WNT2: variants seen among roughly 807,000 people sequenced by gnomAD.
The protein encoded by WNT2 is protein Wnt-2.
In WNT2, 12 loss-of-function variants were observed where a neutral mutation model predicts 36.9. That is an observed-to-expected ratio of 0.33 (90% CI 0.21 to 0.53). The LOEUF is 0.53. Ranked by LOEUF, WNT2 falls within the 20% of genes least tolerant of loss-of-function variation. The pLI, the probability that WNT2 is intolerant of heterozygous loss-of-function variation, is 0.95. For missense variants in WNT2, 379 were observed against 473.1 expected (o/e 0.80, Z 1.84); for synonymous variants, 163 against 174.6 (o/e 0.93, Z 0.52).
chr7:117,293,636 C>A (rs1794732562), intron 4 of WNT2, among the ~76,000 whole-genome samples: 1 of 152,094 alleles, frequency 6.6e-6, no homozygotes, highest in Non-Finnish European at 1.5e-5. Context: ...AAACTTTTGA[C>A]TTGTTTTGGA....
At chr7:117,316,086 TAA>T (rs1795212163) in intron 2 of WNT2, among the ~76,000 whole-genome samples, 1 of 152,216 alleles carries the variant, frequency 6.6e-6, no homozygotes, top group Non-Finnish European at 1.5e-5. Context: ...TGGTATTGGG[TAA>T]AAGACAGTGA....
In WNT2 at chr7:117,322,036, A is replaced by G. The variant is rs1460461535; in HGVS notation, c.83+871T>C. 6.6e-6 allele frequency: 1 copy of G among 152,140 alleles called. No individual in the cohort carries two copies. The highest frequency in any genetic ancestry group is 2.4e-5 in the African/African-American group (1 of 41,426). The allele number at this position is 152,140 out of a possible 1,614,324, so 9.4% of individuals were successfully genotyped here. On this transcript the variant is annotated intron_variant, in intron 1 of 4. Coordinates refer to ENST00000265441, the MANE Select transcript of WNT2 (RefSeq NM_003391.3). This position sits in a 1 kb window ranked among gnomAD's most constrained non-coding sequence, Gnocchi z 5.4. ...CGGGTGTCTCTGAATCAATATTTTA[A>G]TATCTGTTCTGAAACTTTTAGGTGC...
At chr7:117,304,522 G>T (rs924317703) in intron 3 of WNT2, among the ~76,000 whole-genome samples, 1 of 144,926 alleles carries the variant, frequency 6.9e-6, no homozygotes, top group Non-Finnish European at 1.5e-5. Flanking sequence ...CTGCAACTCC[G>T]CCTCCCAGGT....
chr7:117,278,487 C>A (rs1365638419), intron 4 of WNT2, 103 bp from the exon 5 acceptor site: 1 of 1,123,208 alleles, frequency 8.9e-7, no homozygotes, highest in Non-Finnish European at 1.3e-6. Context: ...AGAGCCCTGA[C>A]CCTCTCTTCC....
rs550462406 is a variant in WNT2, at chr7:117,277,996, C to T, written c.*159G>A. ...GCTTTAGGTGCAGCGTGTGGCCCCC[C>T]CATCCTGGGGCCCCCAGGGAGGAAG... On this transcript the variant is annotated 3_prime_UTR_variant, in exon 5 of 5. Coordinates refer to ENST00000265441, the MANE Select transcript of WNT2 (RefSeq NM_003391.3). The T allele has an allele frequency of 3.1e-5, 23 of 743,498 alleles. No individual in the cohort carries two copies. In the South Asian group the frequency reaches 3.5e-4, roughly 11 times the overall value. 46.1% of individuals were successfully genotyped at this position (743,498 alleles called of 1,614,324 possible).
intron 3 of WNT2, among the ~76,000 whole-genome samples, chr7:117,302,710 T>C (rs569915021): frequency 3.9e-5 from 6 of 152,216 alleles, no homozygotes; most frequent in Non-Finnish European, 7.3e-5. Context: ...GGTATATGCT[T>C]AATAATGGAA....
At chr7:117,296,253 G>A (rs1406937036) in intron 4 of WNT2, among the ~76,000 whole-genome samples, 1 of 152,188 alleles carries the variant, frequency 6.6e-6, no homozygotes, top group East Asian at 1.9e-4. Context: ...AATGCAGCGG[G>A]GCACAGCATC....
intron 3 of WNT2, among the ~76,000 whole-genome samples, chr7:117,303,942 C>T (rs1038801711): frequency 3.9e-5 from 6 of 152,194 alleles, no homozygotes; most frequent in South Asian, 2.1e-4. Flanking sequence ...CACAGTCTTC[C>T]GTCCTCTTGT....
intron 3 of WNT2, among the ~76,000 whole-genome samples, chr7:117,305,420 G>C (rs1205281980): frequency 1.3e-5 from 2 of 152,066 alleles, no homozygotes; most frequent in Non-Finnish European, 2.9e-5. Context: ...AAACTGATTA[G>C]GCTATAAAAA....
At chr7:117,320,864 G>T in intron 1 of WNT2, 71 bp from the exon 2 acceptor site, 1 of 1,338,844 alleles carries the variant, frequency 7.5e-7, no homozygotes, top group Non-Finnish European at 1.0e-6. Context: ...GTTCCTGGGA[G>T]ACTAAGGAGT....
At chr7:117,278,407 T>C in intron 4 of WNT2, 23 bp from the exon 5 acceptor site, 1 of 1,602,816 alleles carries the variant, frequency 6.2e-7, no homozygotes, top group Non-Finnish European at 8.5e-7. Context: ...CCAGGGAGTG[T>C]TACTGAAAAG....
chr7:117,293,914 CAG>C (rs1178503953), intron 4 of WNT2, among the ~76,000 whole-genome samples: 1 of 152,130 alleles, frequency 6.6e-6, no homozygotes, highest in East Asian at 1.9e-4. Flanking sequence ...TTACAGGTCT[CAG>C]ATTCTCTGTT....
rs142048882 is a variant in WNT2, at chr7:117,315,164, G to T, written c.495C>A (p.Ile165=). 3.3e-5 allele frequency: 53 copies of T among 1,614,124 alleles called. No homozygotes were observed. The highest frequency in any genetic ancestry group is 2.4e-5 in the Non-Finnish European group (28 of 1,180,020). The stretch of plus-strand genomic sequence containing the variant: ...CATCCACAAATGCGCGGGCAAATTT[G>T]ATCCCATAGTCAATGTTATCACTGC... ...GGCSDNIDYG[I]KFARAFVDAK... Residue 165 remains isoleucine, a synonymous_variant, in exon 3 of 5, where the codon ATC becomes ATA. Transcript: ENST00000265441.
chr7:117,297,775 C>T lies in WNT2; in HGVS notation c.690G>A (p.Thr230=), dbSNP rs756215290. Residue 230 remains threonine, a synonymous_variant, in exon 4 of 5, where the codon ACG becomes ACA. Coordinates refer to ENST00000265441, the MANE Select transcript of WNT2 (RefSeq NM_003391.3). ...TGTACTTCCTCCAGAGATAATCGCC[C>T]GTTTTCCTGAAGTCGGCCATGGCCA... ...CWLAMADFRK[T]GDYLWRKYNG... 8.1e-6 allele frequency: 13 copies of T among 1,613,996 alleles called. No homozygotes were observed. The highest frequency in any genetic ancestry group is 1.6e-4 in the Middle Eastern group (1 of 6,084).
rs768852046 is a variant in WNT2 at position 117,278,174 on chromosome 7, T to C, written c.1064A>G (p.Asp355Gly). 7 of 1,614,192 alleles carry C rather than the reference T, an allele frequency of 4.3e-6. No individual in the cohort carries two copies. In the Admixed American group the frequency reaches 6.7e-5, roughly 15 times the overall value. The change falls in exon 5 of 5, where the codon GAC becomes GGC. Residue 355 changes from aspartate (D) to glycine (G), a missense_variant. By Grantham distance (94) the Asp-to-Gly change is moderately conservative (BLOSUM62 -1). Transcript: ENST00000265441. ...CTGGGGTCATGTAGCGGTTGTCCAG[T>C]CAGCGTTCTTGGGGGCCTTGCATGT... ...VHTCKAPKNADWTTAT is the reference protein window; with the variant it reads ...VHTCKAPKNAGWTTAT
chr7:117,292,589 CTGCAATTT>C (rs1230585422), intron 4 of WNT2, among the ~76,000 whole-genome samples: 2 of 152,178 alleles, frequency 1.3e-5, no homozygotes. Context: ...GGTCTCGACT[CTGCAATTT>C]TTCGCATCAA....
In WNT2 at chr7:117,322,520, G is replaced by A. The variant is rs1795349127; in HGVS notation, c.83+387C>T. Among the ~76,000 whole-genome samples the A allele has an allele frequency of 7.6e-6, 1 of 131,906 alleles. No individual in the cohort carries two copies. The highest frequency in any genetic ancestry group is 3.0e-5 in the African/African-American group (1 of 33,116). The allele number at this position is 131,906 out of a possible 152,430, so 86.5% of individuals were successfully genotyped here. A position where few individuals can be genotyped will look rare whatever the true frequency, so the allele number is the denominator to read the frequency against. ...GGCTGGGATGGGGGAGGCGGTTGTA[G>A]TTTTCAAGGTGAATTTACACACACA... is the stretch of plus-strand genomic sequence containing the variant. On this transcript the variant is annotated intron_variant, in intron 1 of 4. Transcript: ENST00000265441. The surrounding 1 kb of genome is among the most constrained non-coding windows in gnomAD (Gnocchi z 5.4).
intron 3 of WNT2, among the ~76,000 whole-genome samples, chr7:117,309,266 C>G (rs1562829405): frequency 6.6e-6 from 1 of 152,060 alleles, no homozygotes; most frequent in South Asian, 2.1e-4. Context: ...GTACAACATC[C>G]ACTTCTGTTT....
intron 3 of WNT2, 139 bp from the exon 4 acceptor site, chr7:117,298,015 T>C: frequency 8.1e-7 from 1 of 1,239,842 alleles, no homozygotes; most frequent in Non-Finnish European, 1.1e-6. Context: ...TGTTGAAGCA[T>C]TGCTTGTCAC....
Sources: gnomAD v4.1 joint callset for allele counts (sites outside exome capture counted in the v4.1 genomes callset) on GRCh38, gnomAD v4.1.1 for gene constraint, Gnocchi (gnomAD v3.1) non-coding constraint, MANE v1.5 for transcripts, NCBI Gene and HGNC (gene_info 2026-07-23, HGNC 2026-07-21) for gene names.